Variants in UBE2Q1 observed in about 807,000 individuals in gnomAD.
UBE2Q1 encodes ubiquitin-conjugating enzyme E2 Q1.
A neutral mutation model predicts 60.1 loss-of-function variants in UBE2Q1; 6 were observed. That is an observed-to-expected ratio of 0.10 (90% CI 0.05 to 0.20). The LOEUF (loss-of-function observed/expected upper bound fraction) is 0.20. Among genes scored for constraint, UBE2Q1 ranks in the 10% least tolerant of loss-of-function variants. The probability of loss-of-function intolerance (pLI) is 1.00; values close to 1 mark genes in which losing one functional copy is unlikely to be tolerated. For synonymous variants in UBE2Q1, 226 were observed against 208.3 expected, an observed-to-expected ratio of 1.09 and a Z score of -0.73; for missense variants, 262 against 525.8, an observed-to-expected ratio of 0.50 and a Z score of 4.91.
rs532851183 is a variant in UBE2Q1, at chr1:154,551,744, C to A, written c.1074+27G>T. On this transcript the variant is annotated intron_variant, in intron 10 of 12. Transcript: ENST00000292211. ...TCAGACAATCCCCGCCCAGGCCGGCCTGGCCAAGGAGGAGAGACAGGCTCA... is the reference window on the plus strand; with the variant it reads ...TCAGACAATCCCCGCCCAGGCCGGCATGGCCAAGGAGGAGAGACAGGCTCA... 5.0e-6 allele frequency: 8 copies of A among 1,614,100 alleles called. No homozygotes were observed. The East Asian group carries it at 1.8e-4, about 36-fold the overall frequency.
At chr1:154,556,201 T>C (rs1695884448) in intron 1 of UBE2Q1, among the ~76,000 whole-genome samples, 1 of 152,086 alleles carries the variant, frequency 6.6e-6, no homozygotes, top group African/African-American at 2.4e-5. Flanking sequence ...CTGAAACCTT[T>C]TCTTTCTTTC....
At chr1:154,551,234 G>A in intron 11 of UBE2Q1, 163 bp downstream of exon 11, 2 of 856,118 alleles carry the variant, frequency 2.3e-6, no homozygotes, top group Non-Finnish European at 3.6e-6. Flanking sequence ...TAGGGGCCAA[G>A]GCACAGTTGT....
chr1:154,554,974 T>G (rs777433898), intron 3 of UBE2Q1, 189 bp from the exon 4 acceptor site: 10 of 593,832 alleles, frequency 1.7e-5, no homozygotes, highest in Non-Finnish European at 2.4e-5. Context: ...AGCCCATTAT[T>G]TTTCGCCTAT....
At chr1:154,555,096 T>C (rs1695859877) in intron 3 of UBE2Q1, 3 of 541,024 alleles carry the variant, frequency 5.5e-6, no homozygotes, top group South Asian at 4.9e-5. Context: ...TTTAGACTGA[T>C]ATTGCATTCT....
chr1:154,552,483 C>A lies in UBE2Q1; in HGVS notation c.815-19G>T. ...TAGTTTCCTGGAAGGAGGGAAAAAA[C>A]AGGTGTTAGTAGAATGGTCCAGGTG... On this transcript the variant is annotated intron_variant, in intron 6 of 12. Transcript: ENST00000292211. 6.2e-7 allele frequency: 1 copy of A among 1,614,002 alleles called. No homozygotes were observed.
intron 8 of UBE2Q1, 37 bp downstream of exon 8, chr1:154,552,056 T>G (rs751528621): frequency 1.2e-6 from 2 of 1,614,042 alleles, no homozygotes; most frequent in East Asian, 4.5e-5. Context: ...CTGGGCAGCC[T>G]AGGCCAGAGG....
In UBE2Q1 at chr1:154,558,163, G is replaced by A. The variant is rs1571012296; in HGVS notation, c.327+64C>T. 16 of 1,363,350 alleles carry A rather than the reference G, an allele frequency of 1.2e-5. No homozygotes were observed. The East Asian group carries it at 4.2e-4, about 35-fold the overall frequency. 84.5% of individuals were successfully genotyped at this position (1,363,350 alleles called of 1,614,324 possible). On this transcript the variant is annotated intron_variant, in intron 1 of 12. Coordinates refer to ENST00000292211, the MANE Select transcript of UBE2Q1 (RefSeq NM_017582.7). ...CAGGTCCTTCGAGAGCAAAAAGCTG[G>A]ATGGAGTGATCCTGGGTCCCTGACA...
At chr1:154,552,637 C>A in intron 6 of UBE2Q1, 99 bp downstream of exon 6, 1 of 1,485,878 alleles carries the variant, frequency 6.7e-7, no homozygotes, top group Non-Finnish European at 9.2e-7. Context: ...CTGAAAAGTT[C>A]ATAAGCACTC....
chr1:154,549,424 A>G lies in UBE2Q1; in HGVS notation c.*1014T>C, dbSNP rs1002607339. On this transcript the variant is annotated 3_prime_UTR_variant, in exon 13 of 13. Coordinates refer to ENST00000292211, the MANE Select transcript of UBE2Q1 (RefSeq NM_017582.7). ...TTCAGAGCTAGGTCTGTTCTTTTTG[A>G]TAAAGCCAAATGAAGCAAGAGAGAG... 2 of 152,338 alleles carry G rather than the reference A, an allele frequency of 1.3e-5. No individual in the cohort carries two copies. The highest frequency in any genetic ancestry group is 4.8e-5 in the African/African-American group (2 of 41,454). The allele number at this position is 152,338 out of a possible 1,614,324, so 9.4% of individuals were successfully genotyped here.
At position 154,552,718 on chromosome 1, in the gene UBE2Q1, T is replaced by G; in HGVS notation, c.814+18A>C. On this transcript the variant is annotated intron_variant, in intron 6 of 12. Transcript: ENST00000292211. ...TATGGGTGACTCTTGTGCAGGCCCC[T>G]CTCTGGGGCAAACTCACCGCCTTTG... 6.2e-7 allele frequency: 1 copy of G among 1,612,358 alleles called. No homozygotes were observed. Among genetic ancestry groups the G allele is most frequent in the Non-Finnish European group, 8.5e-7 (1 of 1,178,916 alleles).
chr1:154,551,245 T>A, intron 11 of UBE2Q1, 152 bp downstream of exon 11: 1 of 886,282 alleles, frequency 1.1e-6, no homozygotes, highest in Non-Finnish European at 1.7e-6. Context: ...GCACAGTTGT[T>A]CCATTGTGGG....
chr1:154,552,075 G>A lies in UBE2Q1; in HGVS notation c.966+18C>T, dbSNP rs767326982. 49 of 1,614,024 alleles carry A rather than the reference G, an allele frequency of 3.0e-5. No individual in the cohort carries two copies. The highest frequency in any genetic ancestry group is 9.9e-5 in the South Asian group (9 of 91,078). ...GCAGCCTAGGCCAGAGGGAGAGACT[G>A]GAAAAGAAAAGTCTTACTTTAAAGG... On this transcript the variant is annotated intron_variant, in intron 8 of 12. Coordinates refer to ENST00000292211, the MANE Select transcript of UBE2Q1 (RefSeq NM_017582.7).
chr1:154,556,038 C>T, intron 1 of UBE2Q1, 74 bp from the exon 2 acceptor site: 1 of 1,313,434 alleles, frequency 7.6e-7, no homozygotes, highest in Non-Finnish European at 1.1e-6. Context: ...CTGTCCTCTT[C>T]CCCCCAAGAC....
chr1:154,553,291 C>T, intron 4 of UBE2Q1, 119 bp from the exon 5 acceptor site: 1 of 1,334,286 alleles, frequency 7.5e-7, no homozygotes, highest in Non-Finnish European at 1.0e-6. Context: ...GTGAAGCAGT[C>T]CATCTAGCAG....
In UBE2Q1 at chr1:154,550,296, C is replaced by G; in HGVS notation, c.*142G>C. On this transcript the variant is annotated 3_prime_UTR_variant, in exon 13 of 13. Transcript: ENST00000292211. ...TTTCCTTAGCGTTTAGAATAGCCATCATTGTCCTGCAATAGGCAGAGCTAT... is the reference window on the plus strand; with the variant it reads ...TTTCCTTAGCGTTTAGAATAGCCATGATTGTCCTGCAATAGGCAGAGCTAT... 2 of 1,104,642 alleles carry G rather than the reference C, an allele frequency of 1.8e-6. No individual in the cohort carries two copies. Among genetic ancestry groups the G allele is most frequent in the Non-Finnish European group, 2.7e-6 (2 of 749,458 alleles). The allele number at this position is 1,104,642 out of a possible 1,614,324, so 68.4% of individuals were successfully genotyped here. A position where few individuals can be genotyped will look rare whatever the true frequency, so the allele number is the denominator to read the frequency against.
At chr1:154,555,066 C>T (rs1695859425) in intron 3 of UBE2Q1, 1 of 525,898 alleles carries the variant, frequency 1.9e-6, no homozygotes, top group Non-Finnish European at 3.4e-6. Flanking sequence ...TCCTAAGAAC[C>T]CCTCCTTTAC....
intron 2 of UBE2Q1, 45 bp from the exon 3 acceptor site, chr1:154,555,577 G>C (rs56047170): frequency 5.1e-6 from 8 of 1,562,302 alleles, no homozygotes; most frequent in Non-Finnish European, 7.1e-6. Context: ...TCCCCACTCC[G>C]ATCTGGATAA....
At chr1:154,555,747 C>T in intron 2 of UBE2Q1, 113 bp downstream of exon 2, 1 of 1,031,692 alleles carries the variant, frequency 9.7e-7, no homozygotes, top group Non-Finnish European at 1.5e-6. Context: ...GAGAGGTCAT[C>T]CCCTAAATGT....
In UBE2Q1 at chr1:154,555,414, C is replaced by T. The variant is rs368540477; in HGVS notation, c.537+14G>A. ...ACTCTGCACAACAGGGCCCGAGGCT[C>T]CTCAGCTGCTCACCTGCTCTGCTGG... On this transcript the variant is annotated intron_variant, in intron 3 of 12. Transcript: ENST00000292211. 1.2e-6 allele frequency: 2 copies of T among 1,612,528 alleles called. No individual in the cohort carries two copies. Among genetic ancestry groups the T allele is most frequent in the African/African-American group, 2.7e-5 (2 of 74,880 alleles).
Sources: allele counts gnomAD v4.1 joint callset (sites outside exome capture counted in the v4.1 genomes callset), GRCh38; gene constraint gnomAD v4.1.1; transcripts MANE v1.5; gene names NCBI Gene and HGNC (gene_info 2026-07-23, HGNC 2026-07-21).